Variants in PTPN23 observed in about 807,000 individuals in gnomAD.
PTPN23 encodes the protein protein tyrosine phosphatase non-receptor type 23.
A neutral mutation model predicts 156.3 loss-of-function variants in PTPN23; 72 were observed. That is an observed-to-expected ratio of 0.46 (90% CI 0.38 to 0.56). PTPN23 has a LOEUF of 0.56. Ranked by LOEUF, PTPN23 falls within the 20% of genes least tolerant of loss-of-function variation. The pLI is 0.00. For missense variants in PTPN23, 1,974 were observed against 2,171.5 expected, an observed-to-expected ratio of 0.91 and a Z score of 1.81; for synonymous variants, 957 against 899.6, an observed-to-expected ratio of 1.06 and a Z score of -1.14.
chr3:47,384,484 G>A (rs1215518076), intron 1 of PTPN23, among the ~76,000 whole-genome samples: 1 of 144,056 alleles, frequency 6.9e-6, no homozygotes, highest in Non-Finnish European at 1.5e-5. Flanking sequence ...AAGAGTAGAA[G>A]TATTTGCAGT....
Position 47,411,180 on chromosome 3 carries a change from C to T in PTPN23, c.3382C>T (p.His1128Tyr). The T allele has an allele frequency of 1.9e-6, 3 of 1,603,168 alleles. No homozygotes were observed. Among genetic ancestry groups the T allele is most frequent in the Non-Finnish European group, 2.5e-6 (3 of 1,177,070 alleles). The change falls in exon 20 of 25, where the codon CAT becomes TAT. Residue 1128 changes from histidine (H) to tyrosine (Y), a missense_variant. By Grantham distance (83) the His-to-Tyr change is moderately conservative. Around this residue, in one of 4 missense-constraint regions of PTPN23, gnomAD observed 731 missense variants for 669.1 expected, o/e 1.09. Transcript: ENST00000265562. The surrounding 1 kb of genome is among the most constrained non-coding windows in gnomAD (Gnocchi z 6.3). ...DLLSSSPESQ[H>Y]GGTQSPGGGQ... The stretch of plus-strand genomic sequence containing the variant: ...GCTCTCCTCCAGCCCGGAGAGCCAG[C>T]ATGGCGGCACTCAGTCTCCTGGGGG...
Position 47,406,194 on chromosome 3 carries a change from T to C in PTPN23, c.547-131T>C, listed in dbSNP as rs549128038. ...TGAATCAGGAGCACCGTGGTGCTGC[T>C]TGGAGTGGGGGCAGCTGGGGGAGAG... On this transcript the variant is annotated intron_variant, in intron 6 of 24. Transcript: ENST00000265562. The surrounding 1 kb of genome is among the most constrained non-coding windows in gnomAD (Gnocchi z 5.8). 19 of 1,463,644 alleles carry C rather than the reference T, an allele frequency of 1.3e-5. No homozygotes were observed. The East Asian group carries it at 4.4e-4, about 34-fold the overall frequency. The allele number at this position is 1,463,644 out of a possible 1,614,324, so 90.7% of individuals were successfully genotyped here. A position where few individuals can be genotyped will look rare whatever the true frequency, so the allele number is the denominator to read the frequency against.
chr3:47,387,692 A>G (rs1175477178), intron 1 of PTPN23, among the ~76,000 whole-genome samples: 1 of 152,250 alleles, frequency 6.6e-6, no homozygotes, highest in Non-Finnish European at 1.5e-5. Context: ...TAAAACTAAC[A>G]CATGTGATGC....
At chr3:47,408,001 C>G (rs2107717708) in intron 14 of PTPN23, 46 bp downstream of exon 14, 1 of 1,597,060 alleles carries the variant, frequency 6.3e-7, no homozygotes. Flanking sequence ...GCAGCACTTC[C>G]CGGGCCTCTG....
Position 47,409,414 on chromosome 3 carries a change from C to T in PTPN23, c.1798-3C>T. The T allele has an allele frequency of 6.2e-7, 1 of 1,614,096 alleles. No individual in the cohort carries two copies. Among genetic ancestry groups the T allele is most frequent in the Non-Finnish European group, 8.5e-7 (1 of 1,179,998 alleles). ...CCGTCCCTGGCCCCCACCCCTTCCT[C>T]AGAAGTTGTTCGAGGAGCAGCTGAA... On this transcript the variant is annotated splice_polypyrimidine_tract_variant and splice_region_variant and intron_variant, in intron 17 of 24. Transcript: ENST00000265562.
rs772609045 is a variant in PTPN23, at chr3:47,407,136, T to A, written c.814T>A (p.Tyr272Asn). ...EQQKFGERVA[Y>N]FQSALDKLNE... ...TTCCTGCCACCCTCCACAGGTTGCATACTTCCAGAGCGCCCTGGACAAGCT... is the reference window on the plus strand; with the variant it reads ...TTCCTGCCACCCTCCACAGGTTGCAAACTTCCAGAGCGCCCTGGACAAGCT... Residue 272 changes from tyrosine to asparagine, a missense_variant, in exon 10 of 25, where the codon TAC (tyrosine) becomes AAC (asparagine). Coordinates refer to ENST00000265562, the MANE Select transcript of PTPN23 (RefSeq NM_015466.4). The surrounding 1 kb of genome is among the most constrained non-coding windows in gnomAD (Gnocchi z 4.0). 1 of 1,613,892 alleles carries A rather than the reference T, an allele frequency of 6.2e-7. No individual in the cohort carries two copies. The highest frequency in any genetic ancestry group is 1.3e-5 in the African/African-American group (1 of 74,888).
At chr3:47,401,943 A>C (rs1054402964) in intron 2 of PTPN23, among the ~76,000 whole-genome samples, 3 of 152,156 alleles carry the variant, frequency 2.0e-5, no homozygotes, top group Non-Finnish European at 4.4e-5. Context: ...ATCTGAGAGC[A>C]TCCCTGCTGG....
rs1275851677 is a variant in PTPN23 at position 47,409,578 on chromosome 3, C to T, written c.1949+10C>T. 2 of 1,612,896 alleles carry T rather than the reference C, an allele frequency of 1.2e-6. No individual in the cohort carries two copies. Among genetic ancestry groups the T allele is most frequent in the Admixed American group, 3.3e-5 (2 of 59,968 alleles). ...GCGACTTGGACCAAAAGTCAGTGCC[C>T]AGTCCTCTGCTCTTTCCCGGAGCCA... On this transcript the variant is annotated intron_variant, in intron 18 of 24. Transcript: ENST00000265562.
chr3:47,393,751 T>C (rs1209655091), intron 1 of PTPN23, among the ~76,000 whole-genome samples: 1 of 151,830 alleles, frequency 6.6e-6, no homozygotes, highest in Non-Finnish European at 1.5e-5. Flanking sequence ...CTTTAATCAC[T>C]TATTTATTTG....
Position 47,411,931 on chromosome 3 carries a change from C to G in PTPN23, c.4037C>G (p.Ser1346Cys). ...TTCCGAGACCAGAGCCTCAAGCGCT[C>G]TCTTGTGCACCTGCACTTCCCCACT... ...LQFRDQSLKR[S>C]LVHLHFPTWP... The change falls in exon 21 of 25, where the codon TCT becomes TGT. Residue 1346 changes from serine (S) to cysteine (C), a missense_variant. Physicochemically the swap from Ser to Cys is moderately radical, Grantham distance 112. Coordinates refer to ENST00000265562, the MANE Select transcript of PTPN23 (RefSeq NM_015466.4). The surrounding 1 kb of genome is among the most constrained non-coding windows in gnomAD (Gnocchi z 6.3). The G allele has an allele frequency of 6.2e-7, 1 of 1,613,116 alleles. No individual in the cohort carries two copies. The highest frequency in any genetic ancestry group is 8.5e-7 in the Non-Finnish European group (1 of 1,179,780).
intron 2 of PTPN23, among the ~76,000 whole-genome samples, chr3:47,401,913 C>T (rs139554008): frequency 0.017 from 2,545 of 152,282 alleles, 28 homozygotes; most frequent in Non-Finnish European, 0.026. Flanking sequence ...GTTCCACTGT[C>T]CCCAGGGTGT....
At position 47,410,019 on chromosome 3, in the gene PTPN23, C is replaced by A. The variant is rs751424693; in HGVS notation, c.2221C>A (p.Pro741Thr). Residue 741 changes from proline to threonine, a missense_variant, in exon 20 of 25, where the codon CCC becomes ACC. By Grantham distance (38) the Pro-to-Thr change is conservative. Around this residue, in one of 4 missense-constraint regions of PTPN23, gnomAD observed 731 missense variants for 669.1 expected, o/e 1.09. Coordinates refer to ENST00000265562, the MANE Select transcript of PTPN23 (RefSeq NM_015466.4). ...EESEAVEAGDPPEELRSLPPD... is the reference protein window; with the variant it reads ...EESEAVEAGDTPEELRSLPPD... ...GAGTGAGGCAGTGGAAGCAGGAGACCCCCCTGAGGAGCTGCGCAGCCTCCC... is the reference window on the plus strand; with the variant it reads ...GAGTGAGGCAGTGGAAGCAGGAGACACCCCTGAGGAGCTGCGCAGCCTCCC... The A allele has an allele frequency of 5.6e-6, 9 of 1,608,998 alleles. No homozygotes were observed. The East Asian group carries it at 1.8e-4, about 32-fold the overall frequency.
intron 1 of PTPN23, 30 bp from the exon 2 acceptor site, chr3:47,396,113 C>T: frequency 6.3e-7 from 1 of 1,590,796 alleles, no homozygotes; most frequent in Non-Finnish European, 8.6e-7. Flanking sequence ...GTCTTCTCTG[C>T]CACTGGCTTA....
chr3:47,383,514 T>C (rs924817093), intron 1 of PTPN23, among the ~76,000 whole-genome samples: 1 of 152,260 alleles, frequency 6.6e-6, no homozygotes, highest in Non-Finnish European at 1.5e-5. Flanking sequence ...GAAGCATCTC[T>C]GTGTTCCCCA....
Position 47,412,542 on chromosome 3 carries a change from T to A in PTPN23, c.4346T>A (p.Val1449Glu). The change falls in exon 24 of 25, where the codon GTG (valine) becomes GAG (glutamate). Residue 1449 changes from valine (V) to glutamate (E), a missense_variant. Physicochemically the swap from Val to Glu is moderately radical, Grantham distance 121. Around this residue, in one of 4 missense-constraint regions of PTPN23, gnomAD observed 484 missense variants for 516.0 expected, o/e 0.94. Transcript: ENST00000265562. ...CACCTCAGGTTCTGCTATGAGGCAG[T>A]GGTGAGACACGTGGAGCAGGTCCTG... ...KLHLRFCYEA[V>E]VRHVEQVLQR... is the part of the protein sequence containing the mutation. The A allele has an allele frequency of 6.2e-7, 1 of 1,613,524 alleles. No homozygotes were observed. Among genetic ancestry groups the A allele is most frequent in the Non-Finnish European group, 8.5e-7 (1 of 1,179,962 alleles).
At chr3:47,403,112 G>A (rs1291640062) in intron 2 of PTPN23, among the ~76,000 whole-genome samples, 2 of 151,108 alleles carry the variant, frequency 1.3e-5, no homozygotes, top group Admixed American at 1.3e-4. Context: ...GTGCAGTGGC[G>A]CGATTTCGGC....
In PTPN23 at chr3:47,390,165, T is replaced by A. The variant is rs117441287; in HGVS notation, c.85-5978T>A. On this transcript the variant is annotated intron_variant, in intron 1 of 24. Transcript: ENST00000265562. ...GCTGAGGTGGGAGGATCACTTGGAGTTTGAAGCTTCATTGAGCTATGATAG... is the reference window on the plus strand; with the variant it reads ...GCTGAGGTGGGAGGATCACTTGGAGATTGAAGCTTCATTGAGCTATGATAG... 6.2e-3 allele frequency among the ~76,000 whole-genome samples: 945 copies of A among 151,624 alleles called. 27 individuals carry two copies. The highest frequency in any genetic ancestry group is 0.052 in the East Asian group (269 of 5,144).
At chr3:47,389,715 C>G (rs556463831) in intron 1 of PTPN23, among the ~76,000 whole-genome samples, 1 of 152,174 alleles carries the variant, frequency 6.6e-6, no homozygotes, top group Admixed American at 6.5e-5. Context: ...TGGCGGGTGC[C>G]TGTAGTCCCA....
intron 1 of PTPN23, among the ~76,000 whole-genome samples, chr3:47,381,542 G>T (rs914305421): frequency 6.6e-6 from 1 of 152,156 alleles, no homozygotes; most frequent in Non-Finnish European, 1.5e-5. Context: ...AGCGGTGGGC[G>T]GCCCTGACCG....
Sources: gnomAD v4.1 joint callset for allele counts (sites outside exome capture counted in the v4.1 genomes callset) on GRCh38, gnomAD v4.1.1 for gene constraint, gnomAD v4.1.1 regional missense constraint, Gnocchi (gnomAD v3.1) non-coding constraint, MANE v1.5 for transcripts, NCBI Gene and HGNC (gene_info 2026-07-23, HGNC 2026-07-21) for gene names.